DISC1: variants seen among roughly 807,000 people sequenced by gnomAD.
DISC1 encodes the protein disrupted in schizophrenia 1 protein.
In DISC1, 57 loss-of-function variants were observed where a neutral mutation model predicts 84.5. That is an observed-to-expected ratio of 0.67 (90% confidence interval 0.55 to 0.84). DISC1 has a LOEUF of 0.84. Ranked by LOEUF, DISC1 falls within the 40% of genes least tolerant of loss-of-function variation. DISC1 has a pLI of 0.00. For synonymous variants in DISC1, 411 were observed against 415.2 expected (o/e 0.99, Z 0.12); for missense variants, 1,000 against 1,057.8 (o/e 0.95, Z 0.76).
chr1:231,890,358 G>A (rs1298996245), intron 9 of DISC1, among the ~76,000 whole-genome samples: 1 of 152,170 alleles, frequency 6.6e-6, no homozygotes, highest in Non-Finnish European at 1.5e-5. Context: ...ATATGGAATT[G>A]TCTCTGCAGT....
intron 11 of DISC1, among the ~76,000 whole-genome samples, chr1:232,016,238 G>C (rs1263474783): frequency 6.6e-6 from 1 of 152,210 alleles, no homozygotes; most frequent in Non-Finnish European, 1.5e-5. Context: ...AGTGAACATG[G>C]ATGGAGTTTG....
intron 10 of DISC1, among the ~76,000 whole-genome samples, chr1:231,978,210 C>T (rs1216815225): frequency 6.6e-6 from 1 of 152,110 alleles, no homozygotes; most frequent in Non-Finnish European, 1.5e-5. Context: ...ACGGGGAAGC[C>T]AATGTCTGTT....
intron 10 of DISC1, among the ~76,000 whole-genome samples, chr1:231,970,172 C>T (rs1661748604): frequency 6.6e-6 from 1 of 152,284 alleles, no homozygotes; most frequent in Admixed American, 6.5e-5. Context: ...GAGGAATTGC[C>T]ACACTGTCTT....
intron 3 of DISC1, among the ~76,000 whole-genome samples, chr1:231,715,646 T>G (rs532290974): frequency 6.1e-4 from 93 of 152,320 alleles, no homozygotes; most frequent in Middle Eastern, 6.8e-3. Flanking sequence ...ATTGACTGAT[T>G]GATGAATTCA....
chr1:231,677,407 G>C (rs1363687915), intron 1 of DISC1, among the ~76,000 whole-genome samples: 1 of 152,198 alleles, frequency 6.6e-6, no homozygotes, highest in East Asian at 1.9e-4. Flanking sequence ...TAAAGACTGT[G>C]CTGGAAAATT....
chr1:231,953,114 A>G (rs558340615), intron 9 of DISC1, among the ~76,000 whole-genome samples: 4 of 152,312 alleles, frequency 2.6e-5, no homozygotes, highest in Non-Finnish European at 5.9e-5. Flanking sequence ...CACTGATACT[A>G]TTATTTAGTT....
chr1:231,863,872 C>T (rs915604212), intron 9 of DISC1, among the ~76,000 whole-genome samples: 10 of 136,270 alleles, frequency 7.3e-5, no homozygotes, highest in Non-Finnish European at 9.8e-5. Flanking sequence ...AGTCCATGAG[C>T]GGAAACTCAG....
intron 9 of DISC1, among the ~76,000 whole-genome samples, chr1:231,894,859 G>T (rs1331451575): frequency 6.7e-6 from 1 of 148,266 alleles, no homozygotes; most frequent in Non-Finnish European, 1.5e-5. Flanking sequence ...AATTGCTATA[G>T]CATTAGAGGA....
intron 9 of DISC1, among the ~76,000 whole-genome samples, chr1:231,848,731 AG>A: frequency 6.6e-6 from 1 of 152,212 alleles, no homozygotes; most frequent in African/African-American, 2.4e-5. Flanking sequence ...AGTGATCTTC[AG>A]TTTTTGTGCA....
At chr1:231,743,779 T>C (rs2073627655) in intron 3 of DISC1, among the ~76,000 whole-genome samples, 1 of 152,238 alleles carries the variant, frequency 6.6e-6, no homozygotes, top group Non-Finnish European at 1.5e-5. Flanking sequence ...GATGACCTTT[T>C]CTAGTATCCT....
chr1:231,683,414 A>G (rs1007002406), intron 1 of DISC1, among the ~76,000 whole-genome samples: 16 of 146,288 alleles, frequency 1.1e-4, no homozygotes, highest in African/African-American at 4.1e-4. Flanking sequence ...TTTTTAAAAG[A>G]TACCACCATG....
chr1:231,642,280 C>T (rs373497262), intron 1 of DISC1, among the ~76,000 whole-genome samples: 199 of 152,352 alleles, frequency 1.3e-3, no homozygotes, highest in African/African-American at 4.5e-3. Flanking sequence ...TTCCCGCCCG[C>T]GCCTCTCCCT....
intron 10 of DISC1, among the ~76,000 whole-genome samples, chr1:231,972,491 G>A (rs1450911114): frequency 2.0e-5 from 3 of 152,132 alleles, no homozygotes; most frequent in Non-Finnish European, 2.9e-5. Context: ...AGTGTTTAGG[G>A]CATTATATAG....
chr1:231,719,539 A>C (rs1245193399), intron 3 of DISC1, among the ~76,000 whole-genome samples: 3 of 152,148 alleles, frequency 2.0e-5, no homozygotes, highest in African/African-American at 7.2e-5. Context: ...TATTCTTTCT[A>C]AGCTTTATTT....
chr1:231,848,788 C>T (rs1319292212), intron 9 of DISC1, among the ~76,000 whole-genome samples: 1 of 152,140 alleles, frequency 6.6e-6, no homozygotes, highest in Non-Finnish European at 1.5e-5. Flanking sequence ...CTTCCCTGTC[C>T]CTTGCATATT....
At chr1:231,727,216 G>T (rs147773372) in intron 3 of DISC1, among the ~76,000 whole-genome samples, 32 of 152,214 alleles carry the variant, frequency 2.1e-4, no homozygotes, top group Middle Eastern at 3.4e-3. Context: ...ATGGACACCT[G>T]TGCTTCTCAC....
At chr1:231,857,992 C>T (rs12730369) in intron 9 of DISC1, among the ~76,000 whole-genome samples, 26,456 of 152,124 alleles carry the variant, frequency 0.17, 2,425 homozygotes, top group Middle Eastern at 0.3. Flanking sequence ...GCTATAGGCC[C>T]GGGTTAAATT....
chr1:231,965,213 G>T (rs1292217654), intron 10 of DISC1, among the ~76,000 whole-genome samples: 2 of 152,178 alleles, frequency 1.3e-5, no homozygotes, highest in Admixed American at 1.3e-4. Context: ...TATTACATGA[G>T]GACTTTTAGT....
intron 9 of DISC1, 149 bp from the exon 10 acceptor site, chr1:231,958,678 TC>T: frequency 1.2e-6 from 1 of 810,454 alleles, no homozygotes; most frequent in Non-Finnish European, 2.0e-6. Flanking sequence ...AGGCAGCCAC[TC>T]CAGTGGATTT....
Sources: allele counts gnomAD v4.1 joint callset (sites outside exome capture counted in the v4.1 genomes callset), GRCh38; gene constraint gnomAD v4.1.1; transcripts MANE v1.5; gene names NCBI Gene and HGNC (gene_info 2026-07-23, HGNC 2026-07-21).